COX10: variants seen among roughly 807,000 people sequenced by gnomAD.
The protein encoded by COX10 is cytochrome c oxidase assembly factor heme A:farnesyltransferase COX10, also known as protoheme IX farnesyltransferase, mitochondrial.
COX10 carries 27 observed loss-of-function variants against 37.3 expected under a neutral mutation model. The ratio of observed to expected loss-of-function variants is 0.72; its 90% CI spans 0.53 to 1.00. The LOEUF (loss-of-function observed/expected upper bound fraction) is 1.00, where lower values mean the gene tolerates loss of function less well. Among genes scored for constraint, COX10 ranks in the 50% least tolerant of loss-of-function variants. COX10 has a pLI of 0.00. For synonymous variants in COX10, 222 were observed against 229.1 expected (o/e 0.97, Z 0.28); for missense variants, 475 against 563.2 (o/e 0.84, Z 1.59).
chr17:14,201,687 C>G (rs1269170956), intron 6 of COX10, among the ~76,000 whole-genome samples: 1 of 152,190 alleles, frequency 6.6e-6, no homozygotes, highest in African/African-American at 2.4e-5. Flanking sequence ...ACACTGAGCT[C>G]TGAATGATCC....
chr17:14,127,593 C>G (rs1916371227), intron 4 of COX10, among the ~76,000 whole-genome samples: 1 of 151,964 alleles, frequency 6.6e-6, no homozygotes, highest in Non-Finnish European at 1.5e-5. Context: ...TCATGTAGAT[C>G]AAAGCAAAGA....
chr17:14,201,023 G>C (rs1201648878), intron 6 of COX10, among the ~76,000 whole-genome samples: 8 of 152,162 alleles, frequency 5.3e-5, no homozygotes, highest in Admixed American at 5.2e-4. Context: ...ACGAGCAGAG[G>C]ACTTTGAAAA....
At chr17:14,152,087 C>T (rs1055327991) in intron 4 of COX10, among the ~76,000 whole-genome samples, 1 of 152,118 alleles carries the variant, frequency 6.6e-6, no homozygotes, top group Non-Finnish European at 1.5e-5. Context: ...CTTTAAGCAG[C>T]GGCTCTGTTG....
At chr17:14,077,584 C>T (rs16948995) in intron 3 of COX10, among the ~76,000 whole-genome samples, 7,112 of 152,294 alleles carry the variant, frequency 0.047, 212 homozygotes, top group East Asian at 0.076. Flanking sequence ...ATTCTAGCAT[C>T]CTGTGCCAAA....
intron 4 of COX10, among the ~76,000 whole-genome samples, chr17:14,141,075 T>TA (rs1365671352): frequency 6.6e-6 from 1 of 152,166 alleles, no homozygotes; most frequent in Admixed American, 6.6e-5. Flanking sequence ...GTTACGGTGT[T>TA]AAAGTTATAG....
intron 4 of COX10, among the ~76,000 whole-genome samples, chr17:14,148,228 A>T (rs987960317): frequency 6.6e-6 from 1 of 152,170 alleles, no homozygotes; most frequent in Non-Finnish European, 1.5e-5. Flanking sequence ...GCCAGAGCAC[A>T]CACATTCATT....
intron 3 of COX10, among the ~76,000 whole-genome samples, chr17:14,094,328 T>TA (rs537286036): frequency 1.8e-4 from 27 of 151,264 alleles, no homozygotes; most frequent in African/African-American, 6.5e-4. Flanking sequence ...AATGGATAGT[T>TA]ACATATAAAT....
intron 3 of COX10, among the ~76,000 whole-genome samples, chr17:14,082,081 G>A (rs1915308347): frequency 6.6e-6 from 1 of 152,206 alleles, no homozygotes; most frequent in Non-Finnish European, 1.5e-5. Context: ...GGAGCTGGCA[G>A]TGAGGTCACG....
intron 3 of COX10, among the ~76,000 whole-genome samples, chr17:14,082,344 G>A (rs1054930665): frequency 1.2e-4 from 19 of 152,152 alleles, no homozygotes; most frequent in African/African-American, 3.6e-4. Flanking sequence ...TGGCTCGTGA[G>A]AGTCATTTTA....
At chr17:14,181,627 A>C (rs1905862727) in intron 5 of COX10, among the ~76,000 whole-genome samples, 1 of 152,236 alleles carries the variant, frequency 6.6e-6, no homozygotes. Flanking sequence ...CTTATAAATT[A>C]AAAATAAGGA....
At chr17:14,089,472 G>A (rs1387353753) in intron 3 of COX10, among the ~76,000 whole-genome samples, 1 of 152,192 alleles carries the variant, frequency 6.6e-6, no homozygotes, top group African/African-American at 2.4e-5. Flanking sequence ...CTGTCCAACA[G>A]AGCTAGCCCA....
intron 4 of COX10, among the ~76,000 whole-genome samples, chr17:14,130,070 G>C (rs1327556350): frequency 1.3e-5 from 2 of 152,174 alleles, no homozygotes; most frequent in Non-Finnish European, 2.9e-5. Flanking sequence ...CCAGCCTGGA[G>C]TTTCAACAAA....
At chr17:14,175,245 G>T in intron 5 of COX10, among the ~76,000 whole-genome samples, 1 of 150,598 alleles carries the variant, frequency 6.6e-6, no homozygotes. Context: ...CTTGCAATGG[G>T]TAAATTTGTG....
chr17:14,131,293 T>C (rs1046228774), intron 4 of COX10, among the ~76,000 whole-genome samples: 3 of 152,090 alleles, frequency 2.0e-5, no homozygotes, highest in Non-Finnish European at 4.4e-5. Flanking sequence ...GACAATACGC[T>C]ACAACAGATG....
At position 14,069,560 on chromosome 17, in the gene COX10, A is replaced by G. The variant is rs535768386; in HGVS notation, c.-46A>G. ...TGGCGGCGCCCAGCGTCCCGTGAGG[A>G]GAGAGGACACAGGGATCCCGGGGAG... is the stretch of plus-strand genomic sequence containing the variant. On this transcript the variant is annotated 5_prime_UTR_variant, in exon 1 of 7. Coordinates refer to ENST00000261643, the MANE Select transcript of COX10 (RefSeq NM_001303.4). 3.7e-6 allele frequency: 6 copies of G among 1,609,706 alleles called. No individual in the cohort carries two copies. The Admixed American group carries it at 1.0e-4, about 27-fold the overall frequency.
intron 5 of COX10, among the ~76,000 whole-genome samples, chr17:14,175,966 T>G (rs1461465266): frequency 6.6e-6 from 1 of 152,156 alleles, no homozygotes; most frequent in Admixed American, 6.5e-5. Flanking sequence ...GAACTCCATG[T>G]GCAGTGGGAG....
At chr17:14,132,869 G>A (rs1445234844) in intron 4 of COX10, among the ~76,000 whole-genome samples, 1 of 151,544 alleles carries the variant, frequency 6.6e-6, no homozygotes, top group Non-Finnish European at 1.5e-5. Flanking sequence ...TATGACTACA[G>A]AAATTTATTA....
chr17:14,190,061 A>G (rs553966065), intron 5 of COX10, among the ~76,000 whole-genome samples: 28 of 152,312 alleles, frequency 1.8e-4, no homozygotes, highest in African/African-American at 6.7e-4. Context: ...GGAGGAAGGA[A>G]GTAAATCTGA....
intron 4 of COX10, among the ~76,000 whole-genome samples, chr17:14,127,927 ATGTGTG>A (rs67774468): frequency 0.16 from 23,017 of 143,608 alleles, 2,012 homozygotes; most frequent in Middle Eastern, 0.25. Flanking sequence ...GAGTGTGTGT[ATGTGTG>A]TGTGTGTGTG....
Sources: gnomAD v4.1 joint callset for allele counts (sites outside exome capture counted in the v4.1 genomes callset) on GRCh38, gnomAD v4.1.1 for gene constraint, MANE v1.5 for transcripts, NCBI Gene and HGNC (gene_info 2026-07-23, HGNC 2026-07-21) for gene names.